Variants in PRKCA observed in about 807,000 individuals in gnomAD.
PRKCA encodes protein kinase C alpha type.
Under a neutral mutation model 87.0 loss-of-function variants are expected in PRKCA, and 27 were observed. The ratio of observed to expected loss-of-function variants is 0.31; its 90% CI spans 0.23 to 0.43. PRKCA has a LOEUF of 0.43. Ranked by LOEUF, PRKCA falls within the 20% of genes least tolerant of loss-of-function variation. The probability of loss-of-function intolerance (pLI) is 1.00; values close to 1 mark genes in which losing one functional copy is unlikely to be tolerated. For missense variants in PRKCA, 518 were observed against 852.3 expected, an observed-to-expected ratio of 0.61 and a Z score of 4.88; for synonymous variants, 329 against 311.1, an observed-to-expected ratio of 1.06 and a Z score of -0.61.
intron 8 of PRKCA, among the ~76,000 whole-genome samples, chr17:66,726,475 G>A (rs1054329384): frequency 6.6e-6 from 1 of 152,232 alleles, no homozygotes; most frequent in African/African-American, 2.4e-5. Context: ...GAAGGAAGGA[G>A]TGTTGGGGTT....
chr17:66,348,091 G>A (rs568341313), intron 2 of PRKCA, among the ~76,000 whole-genome samples: 277 of 151,674 alleles, frequency 1.8e-3, no homozygotes, highest in African/African-American at 6.2e-3. Context: ...ACAGGCACAC[G>A]CCACCACGCC....
At chr17:66,730,667 C>A (rs945066381) in intron 8 of PRKCA, among the ~76,000 whole-genome samples, 1 of 152,218 alleles carries the variant, frequency 6.6e-6, no homozygotes, top group Non-Finnish European at 1.5e-5. Context: ...CCTGAGACTG[C>A]TTTCATTGCC....
intron 3 of PRKCA, chr17:66,554,494 C>T (rs1968437240): frequency 1.1e-6 from 1 of 922,770 alleles, no homozygotes; most frequent in South Asian, 5.0e-5. Flanking sequence ...CCCGTGACTA[C>T]TCACATCATT....
At chr17:66,778,339 C>T (rs1975112008) in intron 14 of PRKCA, 5 of 560,750 alleles carry the variant, frequency 8.9e-6, no homozygotes, top group Non-Finnish European at 1.1e-5. Flanking sequence ...CAGTGAAACC[C>T]CATCTCTACT....
chr17:66,322,896 C>T (rs988519713), intron 2 of PRKCA, among the ~76,000 whole-genome samples: 1 of 152,120 alleles, frequency 6.6e-6, no homozygotes, highest in African/African-American at 2.4e-5. Context: ...TATATGTCAA[C>T]ATTCCTGTAA....
intron 5 of PRKCA, among the ~76,000 whole-genome samples, chr17:66,649,233 C>G (rs919870494): frequency 6.6e-6 from 1 of 152,228 alleles, no homozygotes; most frequent in Non-Finnish European, 1.5e-5. Context: ...CTAAGCAGAG[C>G]CCCCTTGGGG....
Position 66,393,517 on chromosome 17 carries a change from C to T in PRKCA, c.205+87390C>T, listed in dbSNP as rs116404896. Among the ~76,000 whole-genome samples the T allele has an allele frequency of 2.2e-3, 337 of 152,272 alleles. 1 individual carries two copies. Among genetic ancestry groups the T allele is most frequent in the African/African-American group, 7.7e-3 (321 of 41,556 alleles). On this transcript the variant is annotated intron_variant, in intron 2 of 16. Coordinates refer to ENST00000413366, the MANE Select transcript of PRKCA (RefSeq NM_002737.3). ...TGGAGAACAGCTCGGAGGGATGGGA[C>T]GGCCTGTCGTTTCCTGACGTTGACT...
chr17:66,456,590 C>T (rs1914583832), intron 2 of PRKCA, among the ~76,000 whole-genome samples: 1 of 152,266 alleles, frequency 6.6e-6, no homozygotes, highest in Admixed American at 6.5e-5. Flanking sequence ...AATTGTCATC[C>T]CCTGTGCTGG....
chr17:66,645,261 C>T, intron 4 of PRKCA, 122 bp from the exon 5 acceptor site: 1 of 1,364,758 alleles, frequency 7.3e-7, no homozygotes, highest in Non-Finnish European at 1.0e-6. Flanking sequence ...TCACCAAAAA[C>T]ATTATAGCAA....
rs1265500883 is a variant in PRKCA at position 66,808,229 on chromosome 17, T to C, written c.*4192T>C. 6.6e-6 allele frequency: 1 copy of C among 151,512 alleles called. No individual in the cohort carries two copies. Among genetic ancestry groups the C allele is most frequent in the Non-Finnish European group, 1.5e-5 (1 of 67,950 alleles). The allele number at this position is 151,512 out of a possible 1,614,324, so 9.4% of individuals were successfully genotyped here. A position where few individuals can be genotyped will look rare whatever the true frequency, so the allele number is the denominator to read the frequency against. Reference sequence around the variant, plus strand: ...GGATGAATGGAGAAGTAAAAACAACTAACACCGCACAACTAACAACTAACA... The same window carrying C: ...GGATGAATGGAGAAGTAAAAACAACCAACACCGCACAACTAACAACTAACA... On this transcript the variant is annotated 3_prime_UTR_variant, in exon 17 of 17. Transcript: ENST00000413366.
intron 2 of PRKCA, among the ~76,000 whole-genome samples, chr17:66,313,888 A>AT (rs1460172089): frequency 6.6e-6 from 1 of 152,256 alleles, no homozygotes; most frequent in Non-Finnish European, 1.5e-5. Context: ...TATGTTTATC[A>AT]TCACAGATTA....
At chr17:66,384,837 A>G (rs943490025) in intron 2 of PRKCA, among the ~76,000 whole-genome samples, 4 of 151,928 alleles carry the variant, frequency 2.6e-5, no homozygotes, top group Non-Finnish European at 5.9e-5. Context: ...TCACTGTGTT[A>G]GCCAGGATGG....
chr17:66,677,075 T>TTTTATCTATTTATTTATTTATTTA (rs1972355447), intron 5 of PRKCA: 1 of 144,486 alleles, frequency 6.9e-6, no homozygotes, highest in Admixed American at 6.9e-5. Flanking sequence ...CACAGCTTAT[T>TTTTATCTATTTATTTATTTATTTA]TTTATTTATT....
chr17:66,668,416 G>A (rs1038325793), intron 5 of PRKCA, among the ~76,000 whole-genome samples: 3 of 152,192 alleles, frequency 2.0e-5, no homozygotes, highest in African/African-American at 4.8e-5. Context: ...GATTCAAGAT[G>A]TGTAATTACC....
At chr17:66,788,194 A>G (rs962705530) in intron 15 of PRKCA, among the ~76,000 whole-genome samples, 17 of 152,170 alleles carry the variant, frequency 1.1e-4, no homozygotes, top group Admixed American at 2.6e-4. Flanking sequence ...GAGTGTGATC[A>G]TTTGTGAGGC....
intron 1 of PRKCA, among the ~76,000 whole-genome samples, chr17:66,304,346 A>T (rs139822044): frequency 1.3e-5 from 2 of 152,318 alleles, no homozygotes; most frequent in East Asian, 3.9e-4. Flanking sequence ...GCTGGAACTA[A>T]AGGAGCTCTA....
chr17:66,694,449 C>G (rs1972865778), intron 8 of PRKCA, among the ~76,000 whole-genome samples: 1 of 135,392 alleles, frequency 7.4e-6, no homozygotes, highest in African/African-American at 2.9e-5. Flanking sequence ...CCACTGCACT[C>G]CAGCTTGGGC....
At chr17:66,411,648 G>A (rs1340101709) in intron 2 of PRKCA, among the ~76,000 whole-genome samples, 1 of 152,086 alleles carries the variant, frequency 6.6e-6, no homozygotes, top group East Asian at 1.9e-4. Flanking sequence ...TGCCCGAATG[G>A]TGCAAAAGCA....
rs568967092 is a variant in PRKCA, at chr17:66,675,800, T to C, written c.530-11311T>C. On this transcript the variant is annotated intron_variant, in intron 5 of 16. Transcript: ENST00000413366. ...GGCCCCTTCTCCTGAAACGGCCTTC[T>C]CTGCCCACATAATAGCCCCTAGCGA... 3.3e-5 allele frequency among the ~76,000 whole-genome samples: 5 copies of C among 152,314 alleles called. No individual in the cohort carries two copies. In the East Asian group the frequency reaches 5.8e-4, roughly 18 times the overall value.
Sources: allele counts gnomAD v4.1 joint callset (sites outside exome capture counted in the v4.1 genomes callset), GRCh38; gene constraint gnomAD v4.1.1; transcripts MANE v1.5; gene names NCBI Gene and HGNC (gene_info 2026-07-23, HGNC 2026-07-21).